Variants in EPM2A observed in about 807,000 individuals in gnomAD.
The protein encoded by EPM2A is laforin.
EPM2A carries 21 observed loss-of-function variants against 26.5 expected under a neutral mutation model. The ratio of observed to expected loss-of-function variants is 0.79; its 90% confidence interval spans 0.56 to 1.14. The LOEUF (loss-of-function observed/expected upper bound fraction) is 1.14, where lower values mean the gene tolerates loss of function less well. Among genes scored for constraint, EPM2A ranks in the 50% most tolerant of loss-of-function variants. The probability of loss-of-function intolerance (pLI) is 0.00; values close to 1 mark genes in which losing one functional copy is unlikely to be tolerated. For missense variants in EPM2A, 458 were observed against 440.8 expected (o/e 1.04, Z -0.35); for synonymous variants, 217 against 177.6 (o/e 1.22, Z -1.76).
At chr6:145,395,312 C>A (rs890309611) in intron 4 of EPM2A, among the ~76,000 whole-genome samples, 1 of 152,150 alleles carries the variant, frequency 6.6e-6, no homozygotes, top group Non-Finnish European at 1.5e-5. Context: ...GCCTCACCCC[C>A]TACTCTGGGA....
rs372150915 is a variant in EPM2A at position 145,493,992 on chromosome 6, C to A, written c.555+8530G>T. ...TGTTTTGGTATCAAGATGATGCTGG[C>A]CTCATAGAATAAGTTAGGGAGCAGT... is the stretch of plus-strand genomic sequence containing the variant. On this transcript the variant is annotated intron_variant, in intron 4 of 4. Coordinates refer to the EPM2A transcript ENST00000638717. 1.1e-4 allele frequency among the ~76,000 whole-genome samples: 16 copies of A among 152,264 alleles called. No homozygotes were observed. The East Asian group carries it at 2.5e-3, about 24-fold the overall frequency.
chr6:145,480,781 T>C (rs2114733070), intron 4 of EPM2A, among the ~76,000 whole-genome samples: 1 of 152,292 alleles, frequency 6.6e-6, no homozygotes, highest in South Asian at 2.1e-4. Context: ...CCTATTTCTT[T>C]AAATATCTCT....
chr6:145,468,619 A>G (rs1779431017), intron 4 of EPM2A, among the ~76,000 whole-genome samples: 1 of 99,908 alleles, frequency 1.0e-5, no homozygotes, highest in Non-Finnish European at 2.0e-5. Flanking sequence ...CTCATCATAT[A>G]CAAAAATCAA....
intron 2 of EPM2A, among the ~76,000 whole-genome samples, chr6:145,667,326 CA>C (rs1779280556): frequency 7.0e-6 from 1 of 143,642 alleles, no homozygotes; most frequent in Admixed American, 6.8e-5. Flanking sequence ...AAGAAAAAAA[CA>C]AACAACCCCA....
At chr6:145,542,661 G>A (rs753478643) in intron 2 of EPM2A, among the ~76,000 whole-genome samples, 2 of 152,156 alleles carry the variant, frequency 1.3e-5, no homozygotes, top group Non-Finnish European at 2.9e-5. Context: ...GTCCCCTCTG[G>A]ACAGTCAAAT....
intron 1 of EPM2A, among the ~76,000 whole-genome samples, chr6:145,701,156 G>A (rs192339551): frequency 1.3e-4 from 20 of 152,288 alleles, no homozygotes; most frequent in East Asian, 9.6e-4. Context: ...AAAATTTGCC[G>A]TAATCATAAA....
chr6:145,612,063 A>G (rs763506932), intron 2 of EPM2A, among the ~76,000 whole-genome samples: 9 of 152,190 alleles, frequency 5.9e-5, no homozygotes, highest in Non-Finnish European at 1.0e-4. Flanking sequence ...TTCTATTTTT[A>G]GAGTATCTTA....
At chr6:145,543,892 T>C (rs752333635) in intron 2 of EPM2A, among the ~76,000 whole-genome samples, 4 of 152,210 alleles carry the variant, frequency 2.6e-5, no homozygotes, top group Admixed American at 6.5e-5. Flanking sequence ...TTGGAAATCT[T>C]AAAGGAACAT....
At chr6:145,552,389 T>G (rs986417034) in intron 2 of EPM2A, among the ~76,000 whole-genome samples, 1 of 151,766 alleles carries the variant, frequency 6.6e-6, no homozygotes, top group Non-Finnish European at 1.5e-5. Context: ...ACAATCAGAG[T>G]GATTTCTGAC....
At chr6:145,477,474 AAAAG>A (rs949956333) in intron 4 of EPM2A, among the ~76,000 whole-genome samples, 3 of 151,830 alleles carry the variant, frequency 2.0e-5, no homozygotes, top group Non-Finnish European at 2.9e-5. Context: ...GATACATAAA[AAAAG>A]AAAGAAAGAA....
intron 1 of EPM2A, among the ~76,000 whole-genome samples, chr6:145,729,679 C>T (rs1377901447): frequency 6.6e-6 from 1 of 152,136 alleles, no homozygotes; most frequent in Non-Finnish European, 1.5e-5. Flanking sequence ...AGGCTCCTAG[C>T]CAAAAGGGAC....
intron 2 of EPM2A, among the ~76,000 whole-genome samples, chr6:145,642,557 A>G (rs772096563): frequency 2.0e-5 from 3 of 152,204 alleles, no homozygotes; most frequent in Non-Finnish European, 2.9e-5. Context: ...AAACAAATAC[A>G]TTTACCAAAT....
downstream of EPM2A, chr6:145,625,183 G>C (rs987811328): frequency 6.5e-6 from 1 of 153,086 alleles, no homozygotes; most frequent in African/African-American, 2.4e-5. Flanking sequence ...AAGAGGAAGA[G>C]TGACAAGAAA....
intron 2 of EPM2A, among the ~76,000 whole-genome samples, chr6:145,528,566 A>G (rs953487330): frequency 1.3e-5 from 2 of 152,190 alleles, no homozygotes. Context: ...TTTACTGAAT[A>G]TTTTATGCTT....
chr6:145,663,200 G>A lies in EPM2A; in HGVS notation c.476+22922C>T, dbSNP rs137937086. ...ATGCAGTAAACATGTCCAACTGGGGGGTATAGCAATGGAAATGATAGCAAA... is the reference window on the plus strand; with the variant it reads ...ATGCAGTAAACATGTCCAACTGGGGAGTATAGCAATGGAAATGATAGCAAA... On this transcript the variant is annotated intron_variant, in intron 2 of 3. Coordinates refer to ENST00000367519, the MANE Select transcript of EPM2A (RefSeq NM_005670.4). 2.5e-3 allele frequency among the ~76,000 whole-genome samples: 377 copies of A among 152,192 alleles called. 13 individuals are homozygous for A. In the East Asian group the frequency reaches 0.06, roughly 24 times the overall value.
chr6:145,620,048 T>C (rs568272010), intron 2 of EPM2A, among the ~76,000 whole-genome samples: 1 of 152,346 alleles, frequency 6.6e-6, no homozygotes, highest in East Asian at 1.9e-4. Flanking sequence ...CACCAGTCTA[T>C]AAAGAATGAG....
intron 2 of EPM2A, among the ~76,000 whole-genome samples, chr6:145,534,117 G>A (rs753943183): frequency 3.9e-5 from 6 of 152,138 alleles, no homozygotes; most frequent in East Asian, 3.9e-4. Flanking sequence ...TCTGCTGTTC[G>A]GTGAAAGGAG....
intron 2 of EPM2A, among the ~76,000 whole-genome samples, chr6:145,595,643 G>A (rs1467526803): frequency 6.6e-6 from 1 of 151,798 alleles, no homozygotes. Context: ...ATATGGGAGG[G>A]TTTAGCCAAT....
At chr6:145,445,253 C>A (rs1779115790) in intron 4 of EPM2A, among the ~76,000 whole-genome samples, 1 of 152,040 alleles carries the variant, frequency 6.6e-6, no homozygotes, top group African/African-American at 2.4e-5. Context: ...TAATCTTTAT[C>A]ACCTCAGACA....
Sources: gnomAD v4.1 joint callset for allele counts (sites outside exome capture counted in the v4.1 genomes callset) on GRCh38, gnomAD v4.1.1 for gene constraint, MANE v1.5 for transcripts, NCBI Gene and HGNC (gene_info 2026-07-23, HGNC 2026-07-21) for gene names.